Variants in MAP3K8 observed in about 807,000 individuals in gnomAD.
MAP3K8 encodes the protein mitogen-activated protein kinase kinase kinase 8.
A neutral mutation model predicts 45.8 loss-of-function variants in MAP3K8; 22 were observed. That is an observed-to-expected ratio of 0.48 (90% CI 0.34 to 0.69). The LOEUF is 0.69. MAP3K8 is among the 30% of genes least tolerant of loss of function. The pLI, the probability that MAP3K8 is intolerant of heterozygous loss-of-function variation, is 0.01. For synonymous variants in MAP3K8, 223 were observed against 214.3 expected (o/e 1.04, Z -0.36); for missense variants, 419 against 585.0 (o/e 0.72, Z 2.93).
chr10:30,460,281 T>C (rs1156254773), intron 8 of MAP3K8, among the ~76,000 whole-genome samples: 1 of 152,232 alleles, frequency 6.6e-6, no homozygotes, highest in Non-Finnish European at 1.5e-5. Context: ...TGTAAATTTT[T>C]CCCACTTAGG....
At chr10:30,446,546 A>AG (rs1836346236) in intron 3 of MAP3K8, among the ~76,000 whole-genome samples, 1 of 151,872 alleles carries the variant, frequency 6.6e-6, no homozygotes, top group African/African-American at 2.4e-5. Flanking sequence ...AAAAAAAAAA[A>AG]AAAAAGAAGA....
chr10:30,450,641 G>A (rs1588782650), intron 5 of MAP3K8, 122 bp downstream of exon 5: 12 of 780,028 alleles, frequency 1.5e-5, no homozygotes, highest in South Asian at 3.4e-5. Context: ...TCAGAGCACC[G>A]TCCGTCTTCC....
At chr10:30,439,364 A>G in intron 3 of MAP3K8, 90 bp downstream of exon 3, 2 of 1,547,988 alleles carry the variant, frequency 1.3e-6, no homozygotes, top group Non-Finnish European at 1.8e-6. Context: ...AATTTGGCTT[A>G]GATGGGCTGG....
chr10:30,437,506 T>G (rs1835952896), intron 2 of MAP3K8, 100 bp downstream of exon 2: 1 of 158,856 alleles, frequency 6.3e-6, no homozygotes, highest in African/African-American at 2.4e-5. Context: ...AATGGGAGTG[T>G]GGGGGGAGGC....
At chr10:30,441,160 CT>C (rs11331000) in intron 3 of MAP3K8, among the ~76,000 whole-genome samples, 13,488 of 144,040 alleles carry the variant, frequency 0.094, 616 homozygotes, top group Middle Eastern at 0.17. Flanking sequence ...AAGGAGAATT[CT>C]TTTTTTTTTT....
chr10:30,458,609 T>C (rs1162790042), intron 7 of MAP3K8, among the ~76,000 whole-genome samples: 1 of 152,252 alleles, frequency 6.6e-6, no homozygotes, highest in Non-Finnish European at 1.5e-5. Context: ...GTGTGGCTTG[T>C]AGTGGAACAT....
rs1836794748 is a variant in MAP3K8, at chr10:30,457,938, CAGCAATTG to C, written c.874-145_874-138del. 10 of 610,358 alleles carry C rather than the reference CAGCAATTG, an allele frequency of 1.6e-5. No individual in the cohort carries two copies. The East Asian group carries it at 3.4e-4, about 21-fold the overall frequency. The allele number at this position is 610,358 out of a possible 1,614,324, so 37.8% of individuals were successfully genotyped here. A position where few individuals can be genotyped will look rare whatever the true frequency, so the allele number is the denominator to read the frequency against. On this transcript the variant is annotated intron_variant, in intron 6 of 8. Transcript: ENST00000263056. ...CTTCATCAGACTGCAGGGACACCTC[CAGCAATTG>C]CTGCATGGTTCCTGGGGAATGCCTG... is the stretch of plus-strand genomic sequence containing the variant.
chr10:30,436,008 A>G (rs940463953), intron 1 of MAP3K8, among the ~76,000 whole-genome samples: 3 of 152,212 alleles, frequency 2.0e-5, no homozygotes, highest in East Asian at 1.9e-4. Flanking sequence ...ATGTTTAGGA[A>G]GAGAATTTCC....
At position 30,437,251 on chromosome 10, in the gene MAP3K8, C is replaced by T. The variant is rs182932469; in HGVS notation, c.-179C>T. The T allele has an allele frequency of 1.2e-5, 12 of 985,286 alleles. No homozygotes were observed. The highest frequency in any genetic ancestry group is 1.3e-5 in the Non-Finnish European group (11 of 829,852). 61.0% of individuals were successfully genotyped at this position (985,286 alleles called of 1,614,324 possible). On this transcript the variant is annotated 5_prime_UTR_variant, in exon 2 of 9. It adds an upstream start codon to the 5' untranslated region. Transcript: ENST00000263056. ...GTTTGCAGATAAGAAAGGAAGCTAA[C>T]GCAGTATCTGCAAAGCCAGGAGTCT... is the stretch of plus-strand genomic sequence containing the variant.
At chr10:30,458,268 C>CGGGG (rs9299646) in intron 7 of MAP3K8, 32 bp downstream of exon 7, 144 of 443,590 alleles carry the variant, frequency 3.2e-4, no homozygotes, top group African/African-American at 1.1e-3. Context: ...CTGGGGGCGG[C>CGGGG]GGGGGGGGGC....
intron 3 of MAP3K8, among the ~76,000 whole-genome samples, chr10:30,440,069 A>G (rs962226953): frequency 3.3e-5 from 5 of 152,248 alleles, no homozygotes; most frequent in African/African-American, 9.6e-5. Context: ...TTGGCAAAGT[A>G]TGAATGGCAA....
intron 3 of MAP3K8, among the ~76,000 whole-genome samples, chr10:30,446,272 C>T (rs771299983): frequency 1.3e-5 from 2 of 151,958 alleles, no homozygotes; most frequent in African/African-American, 2.4e-5. Flanking sequence ...CCGTGGCTCA[C>T]GCCTGTAATC....
chr10:30,451,817 TG>T lies in MAP3K8; in HGVS notation c.873+76del, dbSNP rs561019825. The T allele has an allele frequency of 1.8e-4, 156 of 850,648 alleles. 2 individuals carry two copies. In the South Asian group the frequency reaches 3.0e-3, roughly 17 times the overall value. 52.7% of individuals were successfully genotyped at this position (850,648 alleles called of 1,614,324 possible). A position where few individuals can be genotyped will look rare whatever the true frequency, so the allele number is the denominator to read the frequency against. On this transcript the variant is annotated intron_variant, in intron 6 of 8. Coordinates refer to ENST00000263056, the MANE Select transcript of MAP3K8 (RefSeq NM_005204.4). ...AGGAAAAAATGTTCTAGAATTATTG[TG>T]GGAACGAAGGACAAAGAAGGGGAAG...
chr10:30,452,972 T>C (rs747806959), intron 6 of MAP3K8, among the ~76,000 whole-genome samples: 2 of 152,114 alleles, frequency 1.3e-5, no homozygotes, highest in Non-Finnish European at 2.9e-5. Context: ...AGCCCCCGTG[T>C]CTGGCCCACA....
rs765936608 is a variant in MAP3K8 at position 30,458,073 on chromosome 10, T to A, written c.874-11T>A. ...GGGAATGAAGCTGAATGTTTCCCACTTCTTTTTCAGATTTACATGAGCCCA... is the reference window on the plus strand; with the variant it reads ...GGGAATGAAGCTGAATGTTTCCCACATCTTTTTCAGATTTACATGAGCCCA... On this transcript the variant is annotated splice_polypyrimidine_tract_variant and intron_variant, in intron 6 of 8. Transcript: ENST00000263056. The A allele has an allele frequency of 3.4e-5, 49 of 1,462,122 alleles. No homozygotes were observed. In the East Asian group the frequency reaches 1.3e-3, roughly 39 times the overall value. The allele number at this position is 1,462,122 out of a possible 1,614,324, so 90.6% of individuals were successfully genotyped here.
At chr10:30,445,947 G>A (rs1201893662) in intron 3 of MAP3K8, among the ~76,000 whole-genome samples, 2 of 152,174 alleles carry the variant, frequency 1.3e-5, no homozygotes, top group African/African-American at 4.8e-5. Context: ...CTGTAGCCGT[G>A]TCCCTAATAA....
chr10:30,452,018 T>A (rs1386681642), intron 6 of MAP3K8, among the ~76,000 whole-genome samples: 1 of 152,116 alleles, frequency 6.6e-6, no homozygotes, highest in Non-Finnish European at 1.5e-5. Context: ...TATAGAACAT[T>A]TGTACACAAT....
At position 30,458,268 on chromosome 10, in the gene MAP3K8, CG is replaced by C. The variant is rs9299646; in HGVS notation, c.1026+41del. 987 of 440,180 alleles carry C rather than the reference CG, an allele frequency of 2.2e-3. 7 individuals carry two copies. Among genetic ancestry groups the C allele is most frequent in the South Asian group, 4.4e-3 (104 of 23,524 alleles). 27.3% of individuals were successfully genotyped at this position (440,180 alleles called of 1,614,324 possible). A position where few individuals can be genotyped will look rare whatever the true frequency, so the allele number is the denominator to read the frequency against. ...GGGGTTCAACCAGGGCTGGGGGCGGCGGGGGGGGGCGTTGAGTTATGCATCC... is the reference window on the plus strand; with the variant it reads ...GGGGTTCAACCAGGGCTGGGGGCGGCGGGGGGGGCGTTGAGTTATGCATCC... On this transcript the variant is annotated intron_variant, in intron 7 of 8. Coordinates refer to ENST00000263056, the MANE Select transcript of MAP3K8 (RefSeq NM_005204.4).
chr10:30,456,983 C>G (rs576155446), intron 6 of MAP3K8, among the ~76,000 whole-genome samples: 1 of 152,138 alleles, frequency 6.6e-6, no homozygotes, highest in South Asian at 2.1e-4. Flanking sequence ...AGTTGGGAGG[C>G]CGAAGCAGGA....
Sources: allele counts gnomAD v4.1 joint callset (sites outside exome capture counted in the v4.1 genomes callset), GRCh38; gene constraint gnomAD v4.1.1; transcripts MANE v1.5; gene names NCBI Gene and HGNC (gene_info 2026-07-23, HGNC 2026-07-21).